The following RHD variants were observed in gnomAD, a reference collection of about 807,000 sequenced individuals.
The protein encoded by RHD is Rh blood group D antigen, also known as blood group Rh(D) polypeptide.
In RHD, 16 loss-of-function variants were observed where a neutral mutation model predicts 45.5. The ratio of observed to expected loss-of-function variants is 0.35; its 90% CI spans 0.24 to 0.53. RHD has a LOEUF of 0.53. RHD is among the 20% of genes least tolerant of loss of function. The probability of loss-of-function intolerance (pLI) is 0.92; values close to 1 mark genes in which losing one functional copy is unlikely to be tolerated. For missense variants in RHD, 306 were observed against 532.0 expected (o/e 0.58, Z 4.18); for synonymous variants, 131 against 217.5 (o/e 0.60, Z 3.50).
chr1:25,313,241 A>T (rs111844516), intron 7 of RHD, among the ~76,000 whole-genome samples: 5,088 of 131,108 alleles, frequency 0.039, 902 homozygotes, highest in African/African-American at 0.12. Context: ...TCTGCCATGT[A>T]ATGGCAGGCA....
intron 3 of RHD, among the ~76,000 whole-genome samples, chr1:25,299,075 A>T (rs1392989885): frequency 1.7e-5 from 2 of 119,028 alleles, no homozygotes; most frequent in African/African-American, 6.0e-5. Context: ...ATGGTGATAA[A>T]AAAAAAAAAA....
intron 1 of RHD, 32 bp from the exon 2 acceptor site, chr1:25,284,541 C>G (rs1379834947): frequency 7.2e-7 from 1 of 1,383,764 alleles, no homozygotes; most frequent in East Asian, 2.2e-5. Context: ...CTGCTTCCCC[C>G]TCGTCCTTCT....
intron 7 of RHD, among the ~76,000 whole-genome samples, chr1:25,308,671 G>C (rs952252367): frequency 3.1e-5 from 4 of 130,102 alleles, no homozygotes; most frequent in Admixed American, 3.0e-4. Flanking sequence ...ATGGGAACTG[G>C]CTCCAGCACA....
rs148014996 is a variant in RHD, at chr1:25,301,559, C to T, written c.674C>T (p.Ser225Phe). The change falls in exon 5 of 10, where the codon TCT becomes TTT. Residue 225 changes from serine (S) to phenylalanine (F), a missense_variant. Transcript: ENST00000328664. ...TGGATGTTCTGGCCAAGTTTCAACT[C>T]TGCTCTGCTGAGAAGTCCAATCGAA... ...FLWMFWPSFN[S>F]ALLRSPIERK... 2.6e-3 allele frequency: 3,537 copies of T among 1,379,366 alleles called. 599 individuals are homozygous for T. The African/African-American group carries it at 0.043, about 17-fold the overall frequency. The allele number at this position is 1,379,366 out of a possible 1,614,324, so 85.4% of individuals were successfully genotyped here.
rs558983847 is a variant in RHD, at chr1:25,310,841, C to T, written c.1073+4112C>T. Among the ~76,000 whole-genome samples the T allele has an allele frequency of 4.6e-5, 6 of 131,172 alleles. No individual in the cohort carries two copies. In the East Asian group the frequency reaches 5.9e-4, roughly 13 times the overall value. The allele number at this position is 131,172 out of a possible 152,430, so 86.1% of individuals were successfully genotyped here. ...ACAAAAAATTAGCTGGGCGTGGTGG[C>T]GCACACCTGTAATCTCAGCTACTCA... On this transcript the variant is annotated intron_variant, in intron 7 of 9. Transcript: ENST00000328664.
chr1:25,296,970 T>G lies in RHD; in HGVS notation c.487-3976T>G, dbSNP rs112588553. Among the ~76,000 whole-genome samples, 81 of 131,706 alleles carry G rather than the reference T, an allele frequency of 6.2e-4. 3 individuals carry two copies. The highest frequency in any genetic ancestry group is 1.9e-3 in the African/African-American group (73 of 38,070). The allele number at this position is 131,706 out of a possible 152,430, so 86.4% of individuals were successfully genotyped here. The stretch of plus-strand genomic sequence containing the variant: ...GGGGACATTCTCTTACATAACCTTT[T>G]TTCAGTTAACAAAAATGAGAAATTG... On this transcript the variant is annotated intron_variant, in intron 3 of 9. Transcript: ENST00000328664.
chr1:25,300,685 T>C lies in RHD; in HGVS notation c.487-261T>C, dbSNP rs1643316414. Among the ~76,000 whole-genome samples, 2 of 131,382 alleles carry C rather than the reference T, an allele frequency of 1.5e-5. 1 individual carries two copies. Among genetic ancestry groups the C allele is most frequent in the African/African-American group, 5.2e-5 (2 of 38,148 alleles). 86.2% of individuals were successfully genotyped at this position (131,382 alleles called of 152,430 possible). ...TTAGCCCAGCGTAGTGGCGCATGCCTGTAATCCCAGCTACTAGGGAAGCTG... is the reference window on the plus strand; with the variant it reads ...TTAGCCCAGCGTAGTGGCGCATGCCCGTAATCCCAGCTACTAGGGAAGCTG... On this transcript the variant is annotated intron_variant, in intron 3 of 9. Transcript: ENST00000328664.
At chr1:25,285,756 C>G (rs1156457991) in intron 2 of RHD, among the ~76,000 whole-genome samples, 2 of 135,168 alleles carry the variant, frequency 1.5e-5, no homozygotes, top group African/African-American at 5.1e-5. Flanking sequence ...AGGAAGTAGG[C>G]TAAATTTTTT....
rs1163023162 is a variant in RHD at position 25,305,139 on chromosome 1, C to CG, written c.940-1455dup. ...GAAATGCTTCCTGGAGCAGAGGAAA[C>CG]GGTTGACAGCCAAGTGTTGACAGAG... On this transcript the variant is annotated intron_variant, in intron 6 of 9. Transcript: ENST00000328664. Among the ~76,000 whole-genome samples, 2 of 131,596 alleles carry CG rather than the reference C, an allele frequency of 1.5e-5. 1 individual carries two copies. The highest frequency in any genetic ancestry group is 5.2e-5 in the African/African-American group (2 of 38,150). 86.3% of individuals were successfully genotyped at this position (131,596 alleles called of 152,430 possible). A position where few individuals can be genotyped will look rare whatever the true frequency, so the allele number is the denominator to read the frequency against.
In RHD at chr1:25,291,843, C is replaced by G. The variant is rs1642536002; in HGVS notation, c.486+1052C>G. Among the ~76,000 whole-genome samples, 3 of 132,650 alleles carry G rather than the reference C, an allele frequency of 2.3e-5. 1 individual carries two copies. Among genetic ancestry groups the G allele is most frequent in the Non-Finnish European group, 5.4e-5 (3 of 55,976 alleles). The allele number at this position is 132,650 out of a possible 152,430, so 87.0% of individuals were successfully genotyped here. A position where few individuals can be genotyped will look rare whatever the true frequency, so the allele number is the denominator to read the frequency against. ...CAGATCCTCTGCTGTAACCCTGACC[C>G]TGAGTGAGGACATAGCCAACCTTCC... On this transcript the variant is annotated intron_variant, in intron 3 of 9. Coordinates refer to ENST00000328664, the MANE Select transcript of RHD (RefSeq NM_016124.6).
Position 25,329,233 on chromosome 1 carries a change from C to CA in RHD, c.*309_*310insA. On this transcript the variant is annotated 3_prime_UTR_variant, in exon 10 of 10. Coordinates refer to ENST00000328664, the MANE Select transcript of RHD (RefSeq NM_016124.6). ...AAGCTAAGGTTAATTTATTATTATT[C>CA]CTTGTTTTTTTTTTTTTTTTTTTTT... is the stretch of plus-strand genomic sequence containing the variant. 6.9e-6 allele frequency: 3 copies of CA among 434,404 alleles called. No individual in the cohort carries two copies. Among genetic ancestry groups the CA allele is most frequent in the Non-Finnish European group, 1.2e-5 (3 of 244,228 alleles). 26.9% of individuals were successfully genotyped at this position (434,404 alleles called of 1,614,324 possible). A position where few individuals can be genotyped will look rare whatever the true frequency, so the allele number is the denominator to read the frequency against.
chr1:25,276,191 G>T lies in RHD; in HGVS notation c.148+3496G>T, dbSNP rs112066422. Among the ~76,000 whole-genome samples, 15 of 130,632 alleles carry T rather than the reference G, an allele frequency of 1.1e-4. 2 individuals carry two copies. The highest frequency in any genetic ancestry group is 9.0e-4 in the Admixed American group (12 of 13,332). The allele number at this position is 130,632 out of a possible 152,430, so 85.7% of individuals were successfully genotyped here. A position where few individuals can be genotyped will look rare whatever the true frequency, so the allele number is the denominator to read the frequency against. ...AGGTATGATAAAAGCATGGTGGGTT[G>T]TTTTTGTTTTTGTTTTTTAAGTCTC... On this transcript the variant is annotated intron_variant, in intron 1 of 9. Coordinates refer to ENST00000328664, the MANE Select transcript of RHD (RefSeq NM_016124.6).
chr1:25,309,616 T>C (rs1644032967), intron 7 of RHD, among the ~76,000 whole-genome samples: 1 of 132,474 alleles, frequency 7.5e-6, no homozygotes, highest in African/African-American at 2.6e-5. Context: ...AATTCATGAA[T>C]GTTGTCCTCA....
rs570803326 is a variant in RHD at position 25,313,613 on chromosome 1, C to A, written c.1074-3387C>A. On this transcript the variant is annotated intron_variant, in intron 7 of 9. Transcript: ENST00000328664. ...TTGTTGTTCACAGTTCCCCTGTAAA[C>A]AAGAGGCAGAACACGTCATGCAGGG... Among the ~76,000 whole-genome samples the A allele has an allele frequency of 6.4e-4, 84 of 132,026 alleles. 17 individuals are homozygous for A. Among genetic ancestry groups the A allele is most frequent in the Non-Finnish European group, 1.1e-3 (61 of 55,730 alleles). The allele number at this position is 132,026 out of a possible 152,430, so 86.6% of individuals were successfully genotyped here.
intron 3 of RHD, among the ~76,000 whole-genome samples, chr1:25,299,741 G>C (rs1643234855): frequency 7.5e-6 from 1 of 132,494 alleles, no homozygotes; most frequent in Non-Finnish European, 1.8e-5. Context: ...AACATGATCT[G>C]ACTTGCATTT....
intron 5 of RHD, among the ~76,000 whole-genome samples, chr1:25,302,189 A>G (rs1290142694): frequency 1.5e-5 from 2 of 131,420 alleles, no homozygotes; most frequent in African/African-American, 5.3e-5. Context: ...GTGCATGTAA[A>G]GTGCTTAACG....
intron 1 of RHD, among the ~76,000 whole-genome samples, chr1:25,275,431 C>G (rs1224971544): frequency 7.6e-6 from 1 of 132,048 alleles, no homozygotes; most frequent in African/African-American, 2.6e-5. Flanking sequence ...ATGGAGGAAG[C>G]CATGCCAGGG....
At chr1:25,294,495 T>C (rs1642773298) in intron 3 of RHD, 2 of 684,442 alleles carry the variant, frequency 2.9e-6, no homozygotes, top group Non-Finnish European at 5.3e-6. Flanking sequence ...CGGTGACAAG[T>C]GTATGTGCTG....
chr1:25,274,994 A>G (rs925514312), intron 1 of RHD, among the ~76,000 whole-genome samples: 6 of 131,538 alleles, frequency 4.6e-5, no homozygotes, highest in African/African-American at 1.6e-4. Context: ...AAAAAAACAA[A>G]GAGGAGAGCA....
Sources: gnomAD v4.1 joint callset for allele counts (sites outside exome capture counted in the v4.1 genomes callset) on GRCh38, gnomAD v4.1.1 for gene constraint, MANE v1.5 for transcripts, NCBI Gene and HGNC (gene_info 2026-07-23, HGNC 2026-07-21) for gene names.